The following TNIK variants were observed in gnomAD, a reference collection of about 807,000 sequenced individuals.
TNIK encodes TRAF2 and NCK interacting kinase, also known as TRAF2 and NCK-interacting protein kinase.
In TNIK, 49 loss-of-function variants were observed where a neutral mutation model predicts 191.3. The observed-to-expected ratio is 0.26, with a 90% CI of 0.20 to 0.32. The LOEUF is 0.32. TNIK is among the 10% of genes least tolerant of loss of function. The pLI is 1.00. For missense variants in TNIK, 1,155 were observed against 1,702.3 expected (o/e 0.68, Z 5.66); for synonymous variants, 594 against 600.9 (o/e 0.99, Z 0.17).
At chr3:171,392,652 T>A (rs963170631) in intron 1 of TNIK, among the ~76,000 whole-genome samples, 1 of 151,534 alleles carries the variant, frequency 6.6e-6, no homozygotes, top group Non-Finnish European at 1.5e-5. Flanking sequence ...TGGTGGGGGA[T>A]GCCTGTAATC....
At chr3:171,271,225 T>C (rs1192743725) in intron 2 of TNIK, among the ~76,000 whole-genome samples, 3 of 152,254 alleles carry the variant, frequency 2.0e-5, no homozygotes, top group Non-Finnish European at 4.4e-5. Flanking sequence ...TTGCCAACTC[T>C]AATAGTTCTA....
chr3:171,303,026 A>G (rs1753048003), intron 2 of TNIK, among the ~76,000 whole-genome samples: 1 of 152,218 alleles, frequency 6.6e-6, no homozygotes, highest in Non-Finnish European at 1.5e-5. Context: ...TAATTACTTT[A>G]TATAATAACA....
At chr3:171,438,781 C>T (rs1293494731) in intron 1 of TNIK, among the ~76,000 whole-genome samples, 1 of 152,068 alleles carries the variant, frequency 6.6e-6, no homozygotes, top group African/African-American at 2.4e-5. Flanking sequence ...ATCAGGTTAA[C>T]AAAAGGAAGA....
In TNIK at chr3:171,335,056, C is replaced by T. The variant is rs34155902; in HGVS notation, c.123+34564G>A. Among the ~76,000 whole-genome samples, 1,127 of 151,572 alleles carry T rather than the reference C, an allele frequency of 7.4e-3. 8 individuals are homozygous for T. The highest frequency in any genetic ancestry group is 0.017 in the Middle Eastern group (5 of 292). Reference sequence around the variant, plus strand: ...AAAAAAAAAAAAAAATTGTCTCCTCCTGAAAACCAATCACTAGCAACCTTC... The same window carrying T: ...AAAAAAAAAAAAAAATTGTCTCCTCTTGAAAACCAATCACTAGCAACCTTC... On this transcript the variant is annotated intron_variant, in intron 2 of 32. Transcript: ENST00000436636.
At chr3:171,209,258 G>C (rs73043063) in intron 4 of TNIK, among the ~76,000 whole-genome samples, 9,429 of 151,974 alleles carry the variant, frequency 0.062, 981 homozygotes, top group African/African-American at 0.22. Context: ...GTAAGAATAG[G>C]CTTTTAATAC....
rs75196689 is a variant in TNIK at position 171,299,577 on chromosome 3, T to C, written c.123+70043A>G. Among the ~76,000 whole-genome samples the C allele has an allele frequency of 3.4e-3, 514 of 152,262 alleles. 4 individuals are homozygous for C. The highest frequency in any genetic ancestry group is 0.012 in the African/African-American group (483 of 41,544). On this transcript the variant is annotated intron_variant, in intron 2 of 32. Transcript: ENST00000436636. ...TGTTGCTCAGCCTCAGCTTAGATGG[T>C]TTTCTGATGGGATATCTTTCTTTTG...
chr3:171,226,314 CT>C (rs1325730231), intron 3 of TNIK, among the ~76,000 whole-genome samples: 1 of 152,162 alleles, frequency 6.6e-6, no homozygotes, highest in Non-Finnish European at 1.5e-5. Context: ...TCTGCTCCCC[CT>C]GCTCTCCCTT....
chr3:171,130,181 C>T (rs568618655), intron 15 of TNIK, among the ~76,000 whole-genome samples: 2 of 152,160 alleles, frequency 1.3e-5, no homozygotes, highest in Non-Finnish European at 1.5e-5. Flanking sequence ...CTATTTTCCC[C>T]CATCCTCCCT....
At chr3:171,304,717 G>A in intron 2 of TNIK, among the ~76,000 whole-genome samples, 1 of 152,058 alleles carries the variant, frequency 6.6e-6, no homozygotes, top group Middle Eastern at 3.2e-3. Context: ...GTAGGGACAT[G>A]GATGAAGCTG....
At chr3:171,286,015 A>G (rs16856118) in intron 2 of TNIK, among the ~76,000 whole-genome samples, 2 of 152,188 alleles carry the variant, frequency 1.3e-5, no homozygotes, top group Non-Finnish European at 2.9e-5. Flanking sequence ...CTATCTTAGC[A>G]TTCTTGGGAG....
rs115248025 is a variant in TNIK at position 171,268,752 on chromosome 3, G to A, written c.124-40531C>T. Reference sequence around the variant, plus strand: ...AAGGGCTGGGTGGTGTGCTGCAAGGGAAGGCATTGGACAGGCCAGAGGTCC... The same window carrying A: ...AAGGGCTGGGTGGTGTGCTGCAAGGAAAGGCATTGGACAGGCCAGAGGTCC... On this transcript the variant is annotated intron_variant, in intron 2 of 32. Coordinates refer to ENST00000436636, the MANE Select transcript of TNIK (RefSeq NM_015028.4). Among the ~76,000 whole-genome samples, 992 of 152,248 alleles carry A rather than the reference G, an allele frequency of 6.5e-3. 9 individuals are homozygous for A. The highest frequency in any genetic ancestry group is 0.01 in the Non-Finnish European group (714 of 68,016).
At chr3:171,347,005 C>T (rs1291566184) in intron 2 of TNIK, 19 of 812,782 alleles carry the variant, frequency 2.3e-5, no homozygotes, top group Non-Finnish European at 3.3e-5. Context: ...AGGATAACAT[C>T]AAGGGACAGT....
intron 2 of TNIK, among the ~76,000 whole-genome samples, chr3:171,294,216 G>T (rs1577379691): frequency 6.6e-6 from 1 of 150,726 alleles, no homozygotes; most frequent in African/African-American, 2.4e-5. Context: ...GTAACAGAGT[G>T]AGACTCTGTC....
intron 1 of TNIK, among the ~76,000 whole-genome samples, chr3:171,443,359 C>T (rs61118549): frequency 0.11 from 17,305 of 152,118 alleles, 2,476 homozygotes; most frequent in African/African-American, 0.34. Flanking sequence ...TTATCTCAAG[C>T]GTTGGAGGAA....
At chr3:171,156,418 G>C (rs890790340) in intron 12 of TNIK, among the ~76,000 whole-genome samples, 2 of 152,206 alleles carry the variant, frequency 1.3e-5, no homozygotes, top group African/African-American at 4.8e-5. Context: ...ACCTGGCAAA[G>C]CAAGTGAATT....
At chr3:171,303,142 CTAAACT>C (rs1480907741) in intron 2 of TNIK, among the ~76,000 whole-genome samples, 1 of 152,072 alleles carries the variant, frequency 6.6e-6, no homozygotes, top group African/African-American at 2.4e-5. Context: ...AATATTCCTC[CTAAACT>C]TAAACAGAAT....
At chr3:171,297,436 G>GACTGTGCCAA (rs1553882635) in intron 2 of TNIK, among the ~76,000 whole-genome samples, 14 of 152,164 alleles carry the variant, frequency 9.2e-5, no homozygotes, top group Non-Finnish European at 2.1e-4. Flanking sequence ...GAAACTGCTG[G>GACTGTGCCAA]TTTCCCTCAA....
chr3:171,347,064 G>T, intron 2 of TNIK: 1 of 1,404,090 alleles, frequency 7.1e-7, no homozygotes, highest in Non-Finnish European at 9.5e-7. Context: ...CTAGGACAGT[G>T]GTGGCAGAGA....
chr3:171,406,996 G>A (rs1721781517), intron 1 of TNIK, among the ~76,000 whole-genome samples: 1 of 152,352 alleles, frequency 6.6e-6, no homozygotes, highest in Non-Finnish European at 1.5e-5. Flanking sequence ...CTGGGGAAGT[G>A]GGGGAATGGG....
Sources: allele counts gnomAD v4.1 joint callset (sites outside exome capture counted in the v4.1 genomes callset), GRCh38; gene constraint gnomAD v4.1.1; transcripts MANE v1.5; gene names NCBI Gene and HGNC (gene_info 2026-07-23, HGNC 2026-07-21).